Variants in DLGAP2 observed in about 807,000 individuals in gnomAD.
DLGAP2 encodes DLG associated protein 2.
A neutral mutation model predicts 100.3 loss-of-function variants in DLGAP2; 26 were observed. The observed-to-expected ratio is 0.26, with a 90% CI of 0.19 to 0.36. The LOEUF is 0.36. Ranked by LOEUF, DLGAP2 falls within the 10% of genes least tolerant of loss-of-function variation. The pLI, the probability that DLGAP2 is intolerant of heterozygous loss-of-function variation, is 1.00. For synonymous variants in DLGAP2, 886 were observed against 630.1 expected, an observed-to-expected ratio of 1.41 and a Z score of -6.08; for missense variants, 1,858 against 1,453.2, an observed-to-expected ratio of 1.28 and a Z score of -4.53.
chr8:1,149,461 T>G (rs749158865), intron 2 of DLGAP2, among the ~76,000 whole-genome samples: 1 of 152,230 alleles, frequency 6.6e-6, no homozygotes, highest in Non-Finnish European at 1.5e-5. Context: ...ATTACCCTCT[T>G]TATCTCTTTC....
intron 2 of DLGAP2, among the ~76,000 whole-genome samples, chr8:1,041,888 G>A (rs1044860010): frequency 3.9e-5 from 6 of 152,222 alleles, no homozygotes; most frequent in African/African-American, 9.6e-5. Flanking sequence ...CTCACCATGC[G>A]GAAGAATGTC....
intron 2 of DLGAP2, among the ~76,000 whole-genome samples, chr8:989,052 G>T (rs571413943): frequency 6.6e-6 from 1 of 152,266 alleles, no homozygotes; most frequent in East Asian, 1.9e-4. Flanking sequence ...CTCCAGGTTG[G>T]CCAGGAGACT....
chr8:1,346,478 C>T (rs1801559183), intron 3 of DLGAP2, among the ~76,000 whole-genome samples: 1 of 151,198 alleles, frequency 6.6e-6, no homozygotes, highest in South Asian at 2.1e-4. Context: ...GGTTGTGTTC[C>T]CATACACATC....
chr8:763,069 A>T (rs1563417992), intron 1 of DLGAP2, among the ~76,000 whole-genome samples: 2 of 152,046 alleles, frequency 1.3e-5, no homozygotes, highest in Admixed American at 6.6e-5. Flanking sequence ...GATTGGAGAA[A>T]AAAAAAAAGG....
At chr8:1,137,088 G>T (rs1796430404) in intron 2 of DLGAP2, among the ~76,000 whole-genome samples, 1 of 152,138 alleles carries the variant, frequency 6.6e-6, no homozygotes, top group Non-Finnish European at 1.5e-5. Flanking sequence ...AGGACAAGGG[G>T]CCCATAGCCT....
At chr8:1,470,184 C>A (rs1469400042) in intron 3 of DLGAP2, among the ~76,000 whole-genome samples, 1 of 152,000 alleles carries the variant, frequency 6.6e-6, no homozygotes, top group Non-Finnish European at 1.5e-5. Flanking sequence ...TCAGTTGTGG[C>A]TGCTGAAAGA....
rs1343956605 is a variant in DLGAP2, at chr8:1,537,722, AAAGGATGGAAGGAAGG to A, written c.173-10898_173-10883del. ...AGATGGAAGGATGGATGGATGGATGAAAGGATGGAAGGAAGGAAGGAAGGAAGGAAGGAAGGAAGGA... is the reference window on the plus strand; with the variant it reads ...AGATGGAAGGATGGATGGATGGATGAAAGGAAGGAAGGAAGGAAGGAAGGA... On this transcript the variant is annotated intron_variant, in intron 4 of 14. Coordinates refer to ENST00000637795, the MANE Select transcript of DLGAP2 (RefSeq NM_001346810.2). 2.5e-3 allele frequency among the ~76,000 whole-genome samples: 300 copies of A among 121,440 alleles called. 1 individual carries two copies. Among genetic ancestry groups the A allele is most frequent in the South Asian group, 3.1e-3 (11 of 3,578 alleles). The allele number at this position is 121,440 out of a possible 152,430, so 79.7% of individuals were successfully genotyped here.
At position 771,514 on chromosome 8, in the gene DLGAP2, G is replaced by A. The variant is rs570072613; in HGVS notation, c.18+33689G>A. On this transcript the variant is annotated intron_variant, in intron 1 of 14. Transcript: ENST00000637795. The stretch of plus-strand genomic sequence containing the variant: ...CGGCTAGCTCTGTCACTAAGTACTT[G>A]CTACTTAATTGTTTCACACCCAAAA... 2.6e-4 allele frequency among the ~76,000 whole-genome samples: 40 copies of A among 152,316 alleles called. No individual in the cohort carries two copies. In the South Asian group the frequency reaches 7.7e-3, roughly 29 times the overall value.
At chr8:1,300,452 A>G (rs536177695) in intron 3 of DLGAP2, 1 of 152,332 alleles carries the variant, frequency 6.6e-6, no homozygotes, top group East Asian at 1.9e-4. Flanking sequence ...GGTGAATGCC[A>G]TCTTGCCTCT....
intron 2 of DLGAP2, among the ~76,000 whole-genome samples, chr8:1,176,118 C>T (rs1295885773): frequency 6.6e-6 from 1 of 152,118 alleles, no homozygotes; most frequent in Non-Finnish European, 1.5e-5. Flanking sequence ...CTCACAGTTC[C>T]ACATGGCTGG....
At chr8:1,648,615 G>A (rs529320981) in intron 8 of DLGAP2, among the ~76,000 whole-genome samples, 6 of 152,186 alleles carry the variant, frequency 3.9e-5, no homozygotes, top group African/African-American at 1.2e-4. Flanking sequence ...TGCAGGATTC[G>A]CTCAAGTCTG....
intron 8 of DLGAP2, among the ~76,000 whole-genome samples, chr8:1,652,864 A>G (rs899999954): frequency 6.6e-6 from 1 of 152,162 alleles, no homozygotes; most frequent in Non-Finnish European, 1.5e-5. Context: ...TCCTTGGTCT[A>G]TGTATCATCC....
chr8:1,310,107 G>A (rs1054899619), intron 3 of DLGAP2, among the ~76,000 whole-genome samples: 6 of 151,240 alleles, frequency 4.0e-5, no homozygotes, highest in Non-Finnish European at 7.4e-5. Flanking sequence ...AGGGAGGAAG[G>A]GAGCTGTTAT....
intron 3 of DLGAP2, among the ~76,000 whole-genome samples, chr8:1,355,238 T>C (rs1309338733): frequency 6.6e-6 from 1 of 152,272 alleles, no homozygotes; most frequent in Non-Finnish European, 1.5e-5. Flanking sequence ...GACACCTGCG[T>C]GCCAGTGTGC....
intron 10 of DLGAP2, among the ~76,000 whole-genome samples, chr8:1,672,844 G>C (rs143799555): frequency 6.6e-6 from 1 of 152,338 alleles, no homozygotes; most frequent in Non-Finnish European, 1.5e-5. Flanking sequence ...CAGGGCACCT[G>C]CCCTGCTATG....
At chr8:1,560,027 C>G (rs1349064668) in intron 5 of DLGAP2, among the ~76,000 whole-genome samples, 1 of 152,218 alleles carries the variant, frequency 6.6e-6, no homozygotes, top group African/African-American at 2.4e-5. Context: ...TGTCCATCTC[C>G]TGTACCGAAT....
chr8:1,126,593 T>C (rs892841699), intron 2 of DLGAP2, among the ~76,000 whole-genome samples: 1 of 150,938 alleles, frequency 6.6e-6, no homozygotes, highest in Non-Finnish European at 1.5e-5. Context: ...CTGTGGGAGG[T>C]GCTGTGCTGC....
chr8:1,090,722 T>A (rs1207014041), intron 2 of DLGAP2, among the ~76,000 whole-genome samples: 1 of 152,194 alleles, frequency 6.6e-6, no homozygotes, highest in Non-Finnish European at 1.5e-5. Flanking sequence ...CCCTGGGGTT[T>A]GTTTTCTGTT....
chr8:781,143 G>T (rs1457661970), intron 1 of DLGAP2, among the ~76,000 whole-genome samples: 1 of 152,064 alleles, frequency 6.6e-6, no homozygotes, highest in Non-Finnish European at 1.5e-5. Context: ...CATCTGTTAA[G>T]AATTTGTAGT....
Sources: allele counts gnomAD v4.1 joint callset (sites outside exome capture counted in the v4.1 genomes callset), GRCh38; gene constraint gnomAD v4.1.1; transcripts MANE v1.5; gene names NCBI Gene and HGNC (gene_info 2026-07-23, HGNC 2026-07-21).